RNF10: variants seen among roughly 807,000 people sequenced by gnomAD.
RNF10 encodes the protein ring finger protein 10, also known as E3 ubiquitin-protein ligase RNF10.
A neutral mutation model predicts 91.4 loss-of-function variants in RNF10; 38 were observed. The ratio of observed to expected loss-of-function variants is 0.42; its 90% CI spans 0.32 to 0.54. The LOEUF (loss-of-function observed/expected upper bound fraction) is 0.54, where lower values mean the gene tolerates loss of function less well. RNF10 is among the 20% of genes least tolerant of loss of function. The pLI is 0.16. For synonymous variants in RNF10, 364 were observed against 366.3 expected (o/e 0.99, Z 0.07); for missense variants, 945 against 1,012.0 (o/e 0.93, Z 0.90).
chr12:120,536,644 T>G (rs1405326693), intron 1 of RNF10, among the ~76,000 whole-genome samples: 2 of 152,198 alleles, frequency 1.3e-5, no homozygotes, highest in African/African-American at 4.8e-5. Context: ...CATAGATCCC[T>G]CAAAAGATAG....
chr12:120,539,985 C>T (rs1324961163), intron 1 of RNF10, among the ~76,000 whole-genome samples: 2 of 151,790 alleles, frequency 1.3e-5, no homozygotes, highest in Admixed American at 1.3e-4. Context: ...CAGGTGTCCA[C>T]CACCACACCG....
intron 1 of RNF10, 55 bp from the exon 2 acceptor site, chr12:120,546,350 G>A: frequency 6.5e-7 from 1 of 1,528,430 alleles, no homozygotes; most frequent in Admixed American, 1.9e-5. Context: ...GAGGGCAGTT[G>A]GCTAAGTGAA....
At chr12:120,551,290 GTTTTTTTTTTTT>G (rs63002361) in intron 2 of RNF10, among the ~76,000 whole-genome samples, 5 of 83,220 alleles carry the variant, frequency 6.0e-5, no homozygotes, top group Admixed American at 1.7e-4. Context: ...CCATCCTAGT[GTTTTTTTTTTTT>G]TTTTTTTTTT....
At chr12:120,535,203 T>A (rs960126257) in intron 1 of RNF10, among the ~76,000 whole-genome samples, 2 of 152,248 alleles carry the variant, frequency 1.3e-5, no homozygotes, top group African/African-American at 4.8e-5. Flanking sequence ...GCTGTTCTTA[T>A]CGCCATTTTG....
At chr12:120,535,077 A>G in intron 1 of RNF10, 109 bp downstream of exon 1, 2 of 1,191,230 alleles carry the variant, frequency 1.7e-6, no homozygotes, top group Non-Finnish European at 2.3e-6. Flanking sequence ...TTTCTTTTAT[A>G]GCTCCTACCT....
intron 2 of RNF10, among the ~76,000 whole-genome samples, chr12:120,548,350 A>G (rs1872594531): frequency 6.6e-6 from 1 of 151,548 alleles, no homozygotes; most frequent in Non-Finnish European, 1.5e-5. Flanking sequence ...AAAACGGATT[A>G]GGTTCAAGAA....
intron 13 of RNF10, among the ~76,000 whole-genome samples, chr12:120,568,854 T>C (rs924295706): frequency 6.6e-6 from 1 of 152,202 alleles, no homozygotes; most frequent in Admixed American, 6.5e-5. Flanking sequence ...ACTCCTGGGC[T>C]CAAGTGATCC....
chr12:120,560,812 C>T lies in RNF10; in HGVS notation c.1054C>T (p.Leu352=). Residue 352 remains leucine, a synonymous_variant, in exon 7 of 17, where the codon CTA becomes TTA. Transcript: ENST00000325954. Reference sequence around the variant, plus strand: ...GGTAGTTCTGGAGGAGAAAGTAGCACTAGAGCAGCAGCTGGCAGAGGAGAA... The same window carrying T: ...GGTAGTTCTGGAGGAGAAAGTAGCATTAGAGCAGCAGCTGGCAGAGGAGAA... The part of the protein sequence containing the change: ...HRVVLEEKVA[L]EQQLAEEKHT... 6.2e-7 allele frequency: 1 copy of T among 1,614,164 alleles called. No individual in the cohort carries two copies. Among genetic ancestry groups the T allele is most frequent in the Non-Finnish European group, 8.5e-7 (1 of 1,180,026 alleles).
Position 120,563,642 on chromosome 12 carries a change from A to G in RNF10, c.1531+19A>G. ...TACCAAGGTGAGGGTGCCGGAAGAGAGGGCTGGGTTGCCGCAGAGGTGTTT... is the reference window on the plus strand; with the variant it reads ...TACCAAGGTGAGGGTGCCGGAAGAGGGGGCTGGGTTGCCGCAGAGGTGTTT... On this transcript the variant is annotated intron_variant, in intron 9 of 16. Transcript: ENST00000325954. The G allele has an allele frequency of 6.3e-6, 10 of 1,581,358 alleles. No individual in the cohort carries two copies. Among genetic ancestry groups the G allele is most frequent in the Non-Finnish European group, 8.6e-6 (10 of 1,163,126 alleles).
At chr12:120,562,525 C>T (rs1174971906) in intron 7 of RNF10, among the ~76,000 whole-genome samples, 2 of 152,036 alleles carry the variant, frequency 1.3e-5, no homozygotes, top group East Asian at 3.9e-4. Flanking sequence ...CCGCCCACCT[C>T]AGTCTCCCAA....
chr12:120,540,006 T>C (rs1871326624), intron 1 of RNF10, among the ~76,000 whole-genome samples: 1 of 151,932 alleles, frequency 6.6e-6, no homozygotes, highest in Admixed American at 6.6e-5. Context: ...GCCTAATTTT[T>C]GTATTTTTAG....
chr12:120,559,585 A>G (rs534541920), intron 6 of RNF10, among the ~76,000 whole-genome samples: 1 of 151,964 alleles, frequency 6.6e-6, no homozygotes, highest in Admixed American at 6.6e-5. Context: ...GGGTTTCACC[A>G]TGTTGGCCAG....
chr12:120,574,156 A>G (rs910477306), intron 14 of RNF10, among the ~76,000 whole-genome samples: 2 of 152,380 alleles, frequency 1.3e-5, no homozygotes, highest in Admixed American at 6.5e-5. Flanking sequence ...CAAAGGGAGA[A>G]GTTCACCAAA....
chr12:120,577,349 G>T lies in RNF10; in HGVS notation c.*683G>T. On this transcript the variant is annotated 3_prime_UTR_variant, in exon 17 of 17. Transcript: ENST00000325954. ...AAGCCCTGAGACCTGCTACCCCTAA[G>T]ATCGAGCTTGTTTTCAGTGACTGGC... The T allele has an allele frequency of 2.8e-6, 1 of 352,424 alleles. No individual in the cohort carries two copies. Among genetic ancestry groups the T allele is most frequent in the South Asian group, 2.1e-5 (1 of 47,598 alleles). 21.8% of individuals were successfully genotyped at this position (352,424 alleles called of 1,614,324 possible). A position where few individuals can be genotyped will look rare whatever the true frequency, so the allele number is the denominator to read the frequency against.
At chr12:120,569,756 T>C (rs1371600598) in intron 13 of RNF10, among the ~76,000 whole-genome samples, 2 of 152,116 alleles carry the variant, frequency 1.3e-5, no homozygotes, top group Non-Finnish European at 2.9e-5. Context: ...CAGGTTGGTC[T>C]CAAACTCATG....
chr12:120,550,654 T>C (rs1872914182), intron 2 of RNF10, among the ~76,000 whole-genome samples: 1 of 151,848 alleles, frequency 6.6e-6, no homozygotes, highest in South Asian at 2.1e-4. Flanking sequence ...TAGAGTGCAG[T>C]GGCGTGATCT....
intron 9 of RNF10, 32 bp downstream of exon 9, chr12:120,563,655 C>T (rs750512359): frequency 2.2e-5 from 35 of 1,574,304 alleles, no homozygotes; most frequent in Admixed American, 1.4e-4. Flanking sequence ...GCTGGGTTGC[C>T]GCAGAGGTGT....
chr12:120,537,553 G>A (rs986427596), intron 1 of RNF10, among the ~76,000 whole-genome samples: 12 of 152,112 alleles, frequency 7.9e-5, no homozygotes, highest in African/African-American at 2.9e-4. Context: ...CCTTGAAACC[G>A]GGAGGCGGAG....
chr12:120,547,750 G>A (rs1872532264), intron 2 of RNF10, among the ~76,000 whole-genome samples: 1 of 152,208 alleles, frequency 6.6e-6, no homozygotes, highest in Non-Finnish European at 1.5e-5. Flanking sequence ...CTAGGAAAGG[G>A]ATCAGATCAT....
Sources: allele counts gnomAD v4.1 joint callset (sites outside exome capture counted in the v4.1 genomes callset), GRCh38; gene constraint gnomAD v4.1.1; transcripts MANE v1.5; gene names NCBI Gene and HGNC (gene_info 2026-07-23, HGNC 2026-07-21).